The following CPEB4 variants were observed in gnomAD, a reference collection of about 807,000 sequenced individuals.
The protein encoded by CPEB4 is cytoplasmic polyadenylation element-binding protein 4.
CPEB4 carries 12 observed loss-of-function variants against 72.5 expected under a neutral mutation model. The ratio of observed to expected loss-of-function variants is 0.17; its 90% CI spans 0.11 to 0.27. The LOEUF (loss-of-function observed/expected upper bound fraction) is 0.27. CPEB4 is among the 10% of genes least tolerant of loss of function. CPEB4 has a pLI of 1.00. For synonymous variants in CPEB4, 302 were observed against 326.3 expected (o/e 0.93, Z 0.80); for missense variants, 614 against 908.5 (o/e 0.68, Z 4.17).
chr5:173,947,013 G>T (rs944742064), intron 5 of CPEB4, among the ~76,000 whole-genome samples: 11 of 151,910 alleles, frequency 7.2e-5, no homozygotes, highest in Admixed American at 6.6e-4. Context: ...ATGAGAATAG[G>T]TATCGTAGAA....
rs1441713627 is a variant in CPEB4, at chr5:173,890,496, A to G, written c.763A>G (p.Ser255Gly). 1 of 1,612,162 alleles carries G rather than the reference A, an allele frequency of 6.2e-7. No homozygotes were observed. Among genetic ancestry groups the G allele is most frequent in the Admixed American group, 1.7e-5 (1 of 59,858 alleles). The change falls in exon 1 of 10, where the codon AGT (serine) becomes GGT (glycine). Residue 255 changes from serine (S) to glycine (G), a missense_variant. Ser to Gly is a moderately conservative substitution (Grantham distance 56, BLOSUM62 0). Transcript: ENST00000265085. ...TCAGCAGCAAAGGAGGTCTCCTGCC[A>G]GTCCCCATCCCCCACCCTTCACACA... ...QHQQQRRSPASPHPPPFTHRN... is the reference protein window; with the variant it reads ...QHQQQRRSPAGPHPPPFTHRN...
intron 2 of CPEB4, among the ~76,000 whole-genome samples, chr5:173,917,609 C>A (rs1005615326): frequency 1.3e-5 from 2 of 152,194 alleles, no homozygotes; most frequent in Non-Finnish European, 2.9e-5. Flanking sequence ...GCCTGTAATC[C>A]CAGCTACTTG....
At chr5:173,897,612 C>A (rs1561604980) in intron 1 of CPEB4, among the ~76,000 whole-genome samples, 6 of 152,100 alleles carry the variant, frequency 3.9e-5, no homozygotes. Context: ...AAATTATCAA[C>A]TAGCCCAATA....
At chr5:173,915,165 C>T (rs1756820255) in intron 2 of CPEB4, among the ~76,000 whole-genome samples, 2 of 152,048 alleles carry the variant, frequency 1.3e-5, no homozygotes, top group Admixed American at 6.5e-5. Flanking sequence ...GCTTAATAGT[C>T]CTAGGAACGT....
intron 2 of CPEB4, among the ~76,000 whole-genome samples, chr5:173,924,179 A>T (rs1757165235): frequency 6.6e-6 from 1 of 152,134 alleles, no homozygotes; most frequent in Non-Finnish European, 1.5e-5. Context: ...CTGTTTTTCA[A>T]TCATCATATT....
At chr5:173,933,563 A>G (rs1179725587) in intron 3 of CPEB4, among the ~76,000 whole-genome samples, 1 of 152,194 alleles carries the variant, frequency 6.6e-6, no homozygotes, top group African/African-American at 2.4e-5. Context: ...TAATACCATA[A>G]TGTAATATTC....
rs148443623 is a variant in CPEB4, at chr5:173,933,290, C to T, written c.1258+790C>T. Among the ~76,000 whole-genome samples the T allele has an allele frequency of 1.2e-3, 176 of 152,328 alleles. 1 individual carries two copies. Among genetic ancestry groups the T allele is most frequent in the African/African-American group, 4.1e-3 (172 of 41,572 alleles). ...GTGTTATGGACTAAATAGCTATATTCTCATAATTCCCAAAACAAATAAAAA... is the reference window on the plus strand; with the variant it reads ...GTGTTATGGACTAAATAGCTATATTTTCATAATTCCCAAAACAAATAAAAA... On this transcript the variant is annotated intron_variant, in intron 3 of 9. Coordinates refer to ENST00000265085, the MANE Select transcript of CPEB4 (RefSeq NM_030627.4).
rs191309477 is a variant in CPEB4, at chr5:173,901,240, T to C, written c.1126-9283T>C. 5.6e-4 allele frequency among the ~76,000 whole-genome samples: 85 copies of C among 152,348 alleles called. No individual in the cohort carries two copies. In the East Asian group the frequency reaches 0.014, roughly 25 times the overall value. On this transcript the variant is annotated intron_variant, in intron 1 of 9. Transcript: ENST00000265085. ...CAGAGGCTTTCTGGAGAGATCTTAT[T>C]TGTCAATTAACATGGCAACCAAATG...
chr5:173,910,696 G>A, intron 2 of CPEB4, 92 bp downstream of exon 2: 1 of 825,816 alleles, frequency 1.2e-6, no homozygotes, highest in South Asian at 1.6e-5. Flanking sequence ...CAAATATTAT[G>A]GAGTCACTTT....
intron 1 of CPEB4, among the ~76,000 whole-genome samples, chr5:173,902,993 A>C (rs979126107): frequency 1.3e-5 from 2 of 151,728 alleles, no homozygotes; most frequent in Non-Finnish European, 2.9e-5. Flanking sequence ...GCATTTGACC[A>C]GTTGTGAGAG....
At chr5:173,912,352 G>A (rs1168318342) in intron 2 of CPEB4, among the ~76,000 whole-genome samples, 1 of 152,166 alleles carries the variant, frequency 6.6e-6, no homozygotes, top group Non-Finnish European at 1.5e-5. Context: ...AGGTCTGTGG[G>A]TTGTACCAAT....
At chr5:173,943,125 G>A (rs1757905927) in intron 4 of CPEB4, 76 bp downstream of exon 4, 10 of 1,421,330 alleles carry the variant, frequency 7.0e-6, no homozygotes, top group African/African-American at 1.4e-5. Context: ...TCTAACCTTT[G>A]TGGGGAAGGG....
At chr5:173,919,041 T>C (rs1037470740) in intron 2 of CPEB4, among the ~76,000 whole-genome samples, 6 of 152,218 alleles carry the variant, frequency 3.9e-5, no homozygotes, top group African/African-American at 1.4e-4. Flanking sequence ...TAAAAGATTT[T>C]TTTAATACAT....
chr5:173,889,747 G>A lies in CPEB4; in HGVS notation c.14G>A (p.Gly5Glu), dbSNP rs1755735207. 4 of 1,595,144 alleles carry A rather than the reference G, an allele frequency of 2.5e-6. No homozygotes were observed. The highest frequency in any genetic ancestry group is 1.4e-5 in the African/African-American group (1 of 74,030). The change falls in exon 1 of 10, where the codon GGG (glycine) becomes GAG (glutamate). Residue 5 changes from glycine (G) to glutamate (E), a missense_variant. Gly to Glu is a moderately conservative substitution (Grantham distance 98). This residue lies in a region of CPEB4 where 7 missense variants were observed against 26.1 expected (regional missense o/e 0.27). Transcript: ENST00000265085. MGDYGFGVLVQSNTG... is the reference protein window; with the variant it reads MGDYEFGVLVQSNTG... ...TAAAGATAATAAATGGGGGATTACGGGTTTGGAGTGCTAGTGCAAAGCAAT... is the reference window on the plus strand; with the variant it reads ...TAAAGATAATAAATGGGGGATTACGAGTTTGGAGTGCTAGTGCAAAGCAAT...
At chr5:173,940,947 T>C (rs943572902) in intron 3 of CPEB4, among the ~76,000 whole-genome samples, 6 of 152,180 alleles carry the variant, frequency 3.9e-5, no homozygotes, top group African/African-American at 1.4e-4. Flanking sequence ...CAATCAAAGT[T>C]TGAGAGTGTA....
chr5:173,901,891 A>T (rs1249117367), intron 1 of CPEB4, among the ~76,000 whole-genome samples: 1 of 152,182 alleles, frequency 6.6e-6, no homozygotes. Context: ...CTCATGGCGC[A>T]TGGTGATAGT....
Position 173,910,526 on chromosome 5 carries a change from C to T in CPEB4, c.1129C>T (p.Arg377Cys), listed in dbSNP as rs1429463154. 4.3e-6 allele frequency: 7 copies of T among 1,610,252 alleles called. No homozygotes were observed. The highest frequency in any genetic ancestry group is 1.1e-5 in the South Asian group (1 of 90,654). Residue 377 changes from arginine to cysteine, a missense_variant, in exon 2 of 10, where the codon CGC becomes TGC. This residue lies in a region of CPEB4 where 458 missense variants were observed against 548.6 expected (regional missense o/e 0.83). Coordinates refer to ENST00000265085, the MANE Select transcript of CPEB4 (RefSeq NM_030627.4). The stretch of plus-strand genomic sequence containing the variant: ...TTGTGGCTGTTTGTGTCTACAGGAT[C>T]GCCCCAGGACATTCGACATGCACTC... ...RADNIFPFPD[R>C]PRTFDMHSLE...
chr5:173,892,259 C>T (rs1167082014), intron 1 of CPEB4, among the ~76,000 whole-genome samples: 1 of 126,790 alleles, frequency 7.9e-6, no homozygotes, highest in African/African-American at 3.0e-5. Flanking sequence ...ATTTAGTTTT[C>T]GACTTCTAAA....
Position 173,961,544 on chromosome 5 carries a change from C to T in CPEB4, c.*5407C>T, listed in dbSNP as rs1335307500. Reference sequence around the variant, plus strand: ...TTCATTCACTGATTGCCTAAACCTACCCAACGAGGAAAATTCTTTTTATTT... The same window carrying T: ...TTCATTCACTGATTGCCTAAACCTATCCAACGAGGAAAATTCTTTTTATTT... On this transcript the variant is annotated 3_prime_UTR_variant, in exon 10 of 10. Coordinates refer to ENST00000265085, the MANE Select transcript of CPEB4 (RefSeq NM_030627.4). 1 of 152,126 alleles carries T rather than the reference C, an allele frequency of 6.6e-6. No individual in the cohort carries two copies. The highest frequency in any genetic ancestry group is 1.5e-5 in the Non-Finnish European group (1 of 68,028). 9.4% of individuals were successfully genotyped at this position (152,126 alleles called of 1,614,324 possible).
Sources: allele counts gnomAD v4.1 joint callset (sites outside exome capture counted in the v4.1 genomes callset), GRCh38; gene constraint gnomAD v4.1.1; regional missense constraint gnomAD v4.1.1; transcripts MANE v1.5; gene names NCBI Gene and HGNC (gene_info 2026-07-23, HGNC 2026-07-21).